DLGAP1: variants seen among roughly 807,000 people sequenced by gnomAD.
DLGAP1 encodes disks large-associated protein 1.
A neutral mutation model predicts 90.8 loss-of-function variants in DLGAP1; 11 were observed. That is an observed-to-expected ratio of 0.12 (90% confidence interval 0.08 to 0.20). DLGAP1 has a LOEUF of 0.20. Ranked by LOEUF, DLGAP1 falls within the 10% of genes least tolerant of loss-of-function variation. The pLI, the probability that DLGAP1 is intolerant of heterozygous loss-of-function variation, is 1.00. For missense variants in DLGAP1, 1,050 were observed against 1,333.8 expected (o/e 0.79, Z 3.31); for synonymous variants, 558 against 540.7 (o/e 1.03, Z -0.44).
intron 1 of DLGAP1, among the ~76,000 whole-genome samples, chr18:4,319,603 A>C (rs1014819399): frequency 6.6e-6 from 1 of 152,226 alleles, no homozygotes; most frequent in African/African-American, 2.4e-5. Context: ...GATTTTCATA[A>C]AAATTGACAA....
chr18:3,599,054 G>C (rs934365773), intron 7 of DLGAP1, among the ~76,000 whole-genome samples: 1 of 152,210 alleles, frequency 6.6e-6, no homozygotes, highest in Admixed American at 6.5e-5. Flanking sequence ...GATTACAGGC[G>C]TGAGCCACTG....
chr18:4,119,814 G>A (rs576189827), intron 2 of DLGAP1, among the ~76,000 whole-genome samples: 48 of 152,288 alleles, frequency 3.2e-4, no homozygotes, highest in Non-Finnish European at 5.7e-4. Context: ...GTAACAATGC[G>A]ATGAAACTTG....
At chr18:3,929,871 T>C (rs2072477949) in intron 3 of DLGAP1, among the ~76,000 whole-genome samples, 1 of 152,236 alleles carries the variant, frequency 6.6e-6, no homozygotes, top group African/African-American at 2.4e-5. Flanking sequence ...CTATTTCTTT[T>C]ATTAGGATGA....
intron 2 of DLGAP1, among the ~76,000 whole-genome samples, chr18:4,150,725 C>G (rs765969153): frequency 6.6e-6 from 1 of 152,252 alleles, no homozygotes; most frequent in Non-Finnish European, 1.5e-5. Context: ...TGAGCCACCA[C>G]GCCCTGCCTT....
chr18:3,910,442 A>G (rs553327258), intron 3 of DLGAP1, among the ~76,000 whole-genome samples: 1 of 152,300 alleles, frequency 6.6e-6, no homozygotes. Flanking sequence ...GAAACAAATG[A>G]ACAAGTAGTC....
At chr18:3,687,173 T>A (rs555804796) in intron 7 of DLGAP1, among the ~76,000 whole-genome samples, 1 of 152,352 alleles carries the variant, frequency 6.6e-6, no homozygotes, top group Admixed American at 6.5e-5. Context: ...ATCGGACTTC[T>A]GACATTTCAG....
intron 2 of DLGAP1, among the ~76,000 whole-genome samples, chr18:4,117,320 C>T (rs1248922312): frequency 6.6e-6 from 1 of 152,204 alleles, no homozygotes; most frequent in Non-Finnish European, 1.5e-5. Flanking sequence ...TACAGGGTCA[C>T]ATTTTCCTAT....
chr18:3,646,072 A>C (rs2059105458), intron 7 of DLGAP1, among the ~76,000 whole-genome samples: 1 of 152,086 alleles, frequency 6.6e-6, no homozygotes, highest in Non-Finnish European at 1.5e-5. Flanking sequence ...ATGAGTATTC[A>C]CTCAACTAAT....
intron 2 of DLGAP1, among the ~76,000 whole-genome samples, chr18:4,136,695 T>C (rs1423864618): frequency 1.3e-5 from 2 of 152,206 alleles, no homozygotes; most frequent in Non-Finnish European, 1.5e-5. Context: ...GGGTTGTCTC[T>C]TCACTTTGTT....
At chr18:4,436,150 T>C (rs1038330243) in intron 1 of DLGAP1, among the ~76,000 whole-genome samples, 1 of 152,164 alleles carries the variant, frequency 6.6e-6, no homozygotes, top group African/African-American at 2.4e-5. Context: ...CATGGTCATA[T>C]TAGGGAGATA....
At chr18:4,197,939 T>C (rs1164422697) in intron 1 of DLGAP1, among the ~76,000 whole-genome samples, 1 of 152,020 alleles carries the variant, frequency 6.6e-6, no homozygotes, top group Non-Finnish European at 1.5e-5. Context: ...CCTATTCTTG[T>C]GGCCAGGCGC....
At chr18:3,554,241 C>A (rs965864634) in intron 9 of DLGAP1, among the ~76,000 whole-genome samples, 1 of 152,148 alleles carries the variant, frequency 6.6e-6, no homozygotes, top group Non-Finnish European at 1.5e-5. Context: ...GGGCCACTGG[C>A]GGAGGTGAGT....
At chr18:4,205,340 C>T (rs1049280930) in intron 1 of DLGAP1, among the ~76,000 whole-genome samples, 1 of 152,044 alleles carries the variant, frequency 6.6e-6, no homozygotes, top group Non-Finnish European at 1.5e-5. Flanking sequence ...CGGCATATGG[C>T]ACTAAGTGGA....
intron 1 of DLGAP1, among the ~76,000 whole-genome samples, chr18:4,264,373 A>C (rs2079061995): frequency 6.6e-6 from 1 of 152,242 alleles, no homozygotes; most frequent in Non-Finnish European, 1.5e-5. Flanking sequence ...TCAGAGGAAC[A>C]AAGTTCAATG....
chr18:3,742,291 T>C lies in DLGAP1; in HGVS notation c.1350+44A>G, dbSNP rs375653354. The C allele has an allele frequency of 5.6e-6, 9 of 1,597,194 alleles. No individual in the cohort carries two copies. The African/African-American group carries it at 6.7e-5, about 12-fold the overall frequency. On this transcript the variant is annotated intron_variant, in intron 6 of 12. Transcript: ENST00000315677. ...CCCTCTCAATTCTCACTAACCTTCC[T>C]GCCACTAATGGCTCCTGACCACCGC...
At chr18:4,445,304 T>C (rs1208643884) in intron 1 of DLGAP1, among the ~76,000 whole-genome samples, 1 of 151,790 alleles carries the variant, frequency 6.6e-6, no homozygotes, top group Non-Finnish European at 1.5e-5. Flanking sequence ...TCATCTTTTT[T>C]TTTTTATTAT....
intron 5 of DLGAP1, among the ~76,000 whole-genome samples, chr18:3,778,390 G>A (rs1275741125): frequency 1.3e-5 from 2 of 151,776 alleles, no homozygotes; most frequent in African/African-American, 4.8e-5. Flanking sequence ...GCAGTGAGCT[G>A]AAATTGTACC....
intron 2 of DLGAP1, among the ~76,000 whole-genome samples, chr18:4,127,148 G>T (rs939379065): frequency 3.3e-5 from 5 of 152,170 alleles, no homozygotes; most frequent in Admixed American, 3.3e-4. Flanking sequence ...CTGTAAGCAA[G>T]GTGGCAGTTC....
intron 1 of DLGAP1, among the ~76,000 whole-genome samples, chr18:4,179,228 A>T (rs2144646156): frequency 6.6e-6 from 1 of 152,292 alleles, no homozygotes; most frequent in East Asian, 1.9e-4. Context: ...TGAAACATCA[A>T]AATGTCACCA....
Sources: allele counts gnomAD v4.1 joint callset (sites outside exome capture counted in the v4.1 genomes callset), GRCh38; gene constraint gnomAD v4.1.1; transcripts MANE v1.5; gene names NCBI Gene and HGNC (gene_info 2026-07-23, HGNC 2026-07-21).